The following PRKG1 variants were observed in gnomAD, a reference collection of about 807,000 sequenced individuals.
PRKG1 encodes cGMP-dependent protein kinase 1.
Under a neutral mutation model 88.1 loss-of-function variants are expected in PRKG1, and 35 were observed. The ratio of observed to expected loss-of-function variants is 0.40; its 90% CI spans 0.30 to 0.53. The LOEUF is 0.53. PRKG1 is among the 20% of genes least tolerant of loss of function. The pLI is 0.59. For synonymous variants in PRKG1, 303 were observed against 292.5 expected, an observed-to-expected ratio of 1.04 and a Z score of -0.37; for missense variants, 540 against 839.8, an observed-to-expected ratio of 0.64 and a Z score of 4.41.
At chr10:52,071,671 TG>T (rs147803297) in intron 7 of PRKG1, among the ~76,000 whole-genome samples, 1,987 of 29,160 alleles carry the variant, frequency 0.068, 39 homozygotes, top group African/African-American at 0.2. Context: ...TGGGTGGGGG[TG>T]GGGGTGGGGT....
chr10:51,973,713 C>A (rs1258756014), intron 5 of PRKG1, among the ~76,000 whole-genome samples: 1 of 152,132 alleles, frequency 6.6e-6, no homozygotes, highest in Non-Finnish European at 1.5e-5. Flanking sequence ...TCTAGAAATT[C>A]TTTGGTGGAC....
At chr10:51,680,133 C>T (rs1032973690) in intron 3 of PRKG1, among the ~76,000 whole-genome samples, 10 of 152,112 alleles carry the variant, frequency 6.6e-5, no homozygotes, top group Admixed American at 3.3e-4. Context: ...TTGGGTTAGC[C>T]GCAGGCCAAT....
chr10:51,941,777 A>G (rs1267659286), intron 5 of PRKG1, among the ~76,000 whole-genome samples: 2 of 151,954 alleles, frequency 1.3e-5, no homozygotes, highest in Non-Finnish European at 2.9e-5. Flanking sequence ...TACAAAGGAC[A>G]TGAACTCATC....
intron 9 of PRKG1, among the ~76,000 whole-genome samples, chr10:52,215,572 T>C (rs11001219): frequency 8.3e-4 from 126 of 152,160 alleles, no homozygotes; most frequent in African/African-American, 2.8e-3. Context: ...CTTTTCCCCA[T>C]GGGAAGATGT....
intron 3 of PRKG1, among the ~76,000 whole-genome samples, chr10:51,618,851 T>C (rs561794168): frequency 6.6e-6 from 1 of 151,818 alleles, no homozygotes; most frequent in African/African-American, 2.4e-5. Flanking sequence ...TTACTGCAAC[T>C]TCCGCCTCCT....
At chr10:51,265,149 A>G (rs781193171) in intron 2 of PRKG1, among the ~76,000 whole-genome samples, 2 of 152,180 alleles carry the variant, frequency 1.3e-5, no homozygotes, top group Non-Finnish European at 2.9e-5. Flanking sequence ...GTGTCAATGA[A>G]TAAGTACATG....
intron 7 of PRKG1, among the ~76,000 whole-genome samples, chr10:52,088,472 A>G (rs1022683260): frequency 6.6e-6 from 1 of 152,152 alleles, no homozygotes; most frequent in Non-Finnish European, 1.5e-5. Flanking sequence ...TCCCAATACA[A>G]CAGTACTACG....
intron 2 of PRKG1, among the ~76,000 whole-genome samples, chr10:51,297,776 A>G (rs1840758820): frequency 1.3e-5 from 2 of 152,138 alleles, no homozygotes; most frequent in South Asian, 4.1e-4. Context: ...TAACCTTGAT[A>G]TCTTACATGT....
chr10:51,412,237 C>T (rs1838114507), intron 2 of PRKG1, among the ~76,000 whole-genome samples: 1 of 144,738 alleles, frequency 6.9e-6, no homozygotes, highest in Non-Finnish European at 1.5e-5. Flanking sequence ...AAGAATTGTT[C>T]AGAAAATTAT....
intron 9 of PRKG1, among the ~76,000 whole-genome samples, chr10:52,219,337 A>G (rs558825723): frequency 2.6e-5 from 4 of 152,324 alleles, no homozygotes; most frequent in African/African-American, 9.6e-5. Flanking sequence ...TTCAGATTAC[A>G]AACTCTCTGC....
intron 5 of PRKG1, among the ~76,000 whole-genome samples, chr10:51,936,440 A>G (rs1842801699): frequency 6.6e-6 from 1 of 152,184 alleles, no homozygotes; most frequent in East Asian, 1.9e-4. Context: ...TATGCCTGAT[A>G]ATTTTGTTTT....
intron 3 of PRKG1, among the ~76,000 whole-genome samples, chr10:51,740,568 C>T (rs1267341548): frequency 6.6e-6 from 1 of 152,092 alleles, no homozygotes; most frequent in East Asian, 1.9e-4. Context: ...ACTTTTCATT[C>T]TTTCTGTTGT....
intron 2 of PRKG1, among the ~76,000 whole-genome samples, chr10:51,234,868 G>C (rs1000146568): frequency 2.6e-5 from 4 of 152,042 alleles, no homozygotes; most frequent in African/African-American, 9.7e-5. Context: ...TTGCTAAATT[G>C]ATGATCAAAT....
At chr10:51,255,725 G>T (rs149774992) in intron 2 of PRKG1, among the ~76,000 whole-genome samples, 1 of 151,368 alleles carries the variant, frequency 6.6e-6, no homozygotes, top group Non-Finnish European at 1.5e-5. Context: ...TTATTAAATG[G>T]TTAGGCTTTA....
intron 5 of PRKG1, among the ~76,000 whole-genome samples, chr10:52,001,438 T>G (rs193156180): frequency 5.9e-5 from 9 of 152,066 alleles, no homozygotes; most frequent in Admixed American, 5.2e-4. Context: ...ACAATGTATA[T>G]ACCTACATCC....
intron 3 of PRKG1, among the ~76,000 whole-genome samples, chr10:51,523,502 C>T (rs60973715): frequency 0.01 from 1,540 of 152,244 alleles, 40 homozygotes; most frequent in African/African-American, 0.036. Context: ...ACCTAGTTAA[C>T]TTCAGTGTCT....
chr10:51,891,343 C>A (rs1379410908), intron 4 of PRKG1, among the ~76,000 whole-genome samples: 1 of 152,172 alleles, frequency 6.6e-6, no homozygotes, highest in East Asian at 1.9e-4. Flanking sequence ...TCACACACTT[C>A]AATACATGAG....
intron 4 of PRKG1, among the ~76,000 whole-genome samples, chr10:51,868,667 ATACT>A (rs996184992): frequency 6.6e-6 from 1 of 152,092 alleles, no homozygotes; most frequent in Non-Finnish European, 1.5e-5. Flanking sequence ...TTGTGCCAAC[ATACT>A]TAGAGAACAC....
At chr10:52,056,970 C>A (rs1330103980) in intron 6 of PRKG1, among the ~76,000 whole-genome samples, 3 of 151,970 alleles carry the variant, frequency 2.0e-5, no homozygotes, top group African/African-American at 7.2e-5. Context: ...GTTGAGCAGG[C>A]AAATAAGTTG....
Sources: gnomAD v4.1 joint callset for allele counts (sites outside exome capture counted in the v4.1 genomes callset) on GRCh38, gnomAD v4.1.1 for gene constraint, MANE v1.5 for transcripts, NCBI Gene and HGNC (gene_info 2026-07-23, HGNC 2026-07-21) for gene names.